The following DYNC2I1 variants were observed in gnomAD, a reference collection of about 807,000 sequenced individuals.
DYNC2I1 encodes cytoplasmic dynein 2 intermediate chain 1.
Under a neutral mutation model 133.4 loss-of-function variants are expected in DYNC2I1, and 89 were observed. The ratio of observed to expected loss-of-function variants is 0.67; its 90% CI spans 0.56 to 0.80. The LOEUF (loss-of-function observed/expected upper bound fraction) is 0.80. DYNC2I1 is among the 30% of genes least tolerant of loss of function. The probability of loss-of-function intolerance (pLI) is 0.00; values close to 1 mark genes in which losing one functional copy is unlikely to be tolerated. For missense variants in DYNC2I1, 1,291 were observed against 1,314.5 expected, an observed-to-expected ratio of 0.98 and a Z score of 0.28; for synonymous variants, 504 against 484.3, an observed-to-expected ratio of 1.04 and a Z score of -0.54.
At chr7:158,886,178 T>C (rs1844579624) in intron 6 of DYNC2I1, among the ~76,000 whole-genome samples, 1 of 152,166 alleles carries the variant, frequency 6.6e-6, no homozygotes, top group Admixed American at 6.5e-5. Context: ...GTCGCCAGGC[T>C]GAAGTGCAGT....
intron 8 of DYNC2I1, among the ~76,000 whole-genome samples, chr7:158,895,820 T>G (rs950651643): frequency 3.3e-5 from 5 of 152,246 alleles, no homozygotes; most frequent in Admixed American, 6.5e-5. Context: ...CTTTATAATT[T>G]TTCTCATAGA....
At chr7:158,919,849 G>A (rs1848839099) in intron 15 of DYNC2I1, among the ~76,000 whole-genome samples, 1 of 151,958 alleles carries the variant, frequency 6.6e-6, no homozygotes, top group African/African-American at 2.4e-5. Flanking sequence ...CCCACACCCA[G>A]CAGACACCAA....
chr7:158,915,952 GAC>G (rs1320002582), intron 14 of DYNC2I1, among the ~76,000 whole-genome samples: 2 of 109,876 alleles, frequency 1.8e-5, no homozygotes, highest in African/African-American at 3.5e-5. Flanking sequence ...GTGAAACGTT[GAC>G]ACAGTGGTTG....
chr7:158,953,203 T>C (rs1852107793), intron 4 of DYNC2I1, among the ~76,000 whole-genome samples: 1 of 123,666 alleles, frequency 8.1e-6, no homozygotes, highest in African/African-American at 3.1e-5. Flanking sequence ...TCTCCTAAAT[T>C]GAGTGACACT....
At chr7:158,846,623 G>C in the DYNC2I1 span, among the ~76,000 whole-genome samples, 1 of 152,234 alleles carries the variant, frequency 6.6e-6, no homozygotes, top group Admixed American at 6.5e-5. Context: ...TAAAGAATTG[G>C]TTAGAACAAG....
Position 158,879,813 on chromosome 7 carries a change from G to T in DYNC2I1, c.703G>T (p.Glu235Ter), listed in dbSNP as rs1356727779. The change falls in exon 5 of 25, where the codon GAA becomes TAA. Residue 235 changes from glutamate to a stop codon, truncating the protein, a stop_gained. Coordinates refer to ENST00000407559, the MANE Select transcript of DYNC2I1 (RefSeq NM_018051.5). LOFTEE classifies it high-confidence loss of function. ...NKHREKSSTR[E>*]KREKYSKEKS... ...ACACCGAGAAAAAAGCAGCACAAGG[G>T]AAAAAAGAGAGAAATATTCCAAAGA... is the stretch of plus-strand genomic sequence containing the variant. 5.0e-6 allele frequency: 8 copies of T among 1,612,438 alleles called. No homozygotes were observed. Among genetic ancestry groups the T allele is most frequent in the Non-Finnish European group, 6.8e-6 (8 of 1,179,416 alleles).
chr7:158,922,815 G>T lies in DYNC2I1; in HGVS notation c.2094+266G>T, dbSNP rs62476511. 8.1e-3 allele frequency among the ~76,000 whole-genome samples: 1,228 copies of T among 152,302 alleles called. 7 individuals carry two copies. The highest frequency in any genetic ancestry group is 0.012 in the Non-Finnish European group (820 of 68,022). ...CAGCTGAGAATTAGGAAATGGAGGTGGTTGTAGGCTGAATGAAAATACTCA... is the reference window on the plus strand; with the variant it reads ...CAGCTGAGAATTAGGAAATGGAGGTTGTTGTAGGCTGAATGAAAATACTCA... On this transcript the variant is annotated intron_variant, in intron 16 of 24. Transcript: ENST00000407559.
At chr7:158,860,665 GT>G (rs956447042) in intron 1 of DYNC2I1, among the ~76,000 whole-genome samples, 2 of 152,094 alleles carry the variant, frequency 1.3e-5, no homozygotes, top group African/African-American at 4.8e-5. Context: ...AAATTTCTAA[GT>G]TTTTTTGTTA....
intron 3 of DYNC2I1, among the ~76,000 whole-genome samples, chr7:158,872,635 A>G (rs77024757): frequency 0.022 from 3,278 of 152,142 alleles, 55 homozygotes; most frequent in Admixed American, 0.052. Context: ...TCTAAAAGAA[A>G]AAAAAAACCA....
At chr7:158,914,044 TA>T (rs1282666227) in intron 13 of DYNC2I1, among the ~76,000 whole-genome samples, 188 bp from the exon 14 acceptor site, 1 of 152,220 alleles carries the variant, frequency 6.6e-6, no homozygotes, top group Non-Finnish European at 1.5e-5. Flanking sequence ...CAGACTTCTA[TA>T]AAACAATATG....
intron 1 of DYNC2I1, among the ~76,000 whole-genome samples, chr7:158,858,600 T>G (rs1202828614): frequency 6.6e-6 from 1 of 152,150 alleles, no homozygotes; most frequent in Non-Finnish European, 1.5e-5. Flanking sequence ...TAGTGTCATA[T>G]TACCTGTTTA....
intron 4 of DYNC2I1, 91 bp from the exon 5 acceptor site, chr7:158,879,593 G>T (rs1843789249): frequency 2.9e-6 from 4 of 1,371,540 alleles, no homozygotes; most frequent in Non-Finnish European, 3.9e-6. Flanking sequence ...TGGTTGGTTG[G>T]ATCCGTCGTT....
At chr7:158,842,529 T>C in the DYNC2I1 span, among the ~76,000 whole-genome samples, 1 of 152,250 alleles carries the variant, frequency 6.6e-6, no homozygotes, top group Non-Finnish European at 1.5e-5. Flanking sequence ...CATACACTTA[T>C]GGCATGATAA....
intron 17 of DYNC2I1, among the ~76,000 whole-genome samples, chr7:158,924,792 T>C (rs1185468846): frequency 6.6e-6 from 1 of 152,178 alleles, no homozygotes; most frequent in Non-Finnish European, 1.5e-5. Context: ...TCTGGCTCTG[T>C]AGCCCAGGCT....
chr7:158,869,772 A>T, intron 1 of DYNC2I1, 83 bp from the exon 2 acceptor site: 1 of 1,040,658 alleles, frequency 9.6e-7, no homozygotes, highest in Non-Finnish European at 1.4e-6. Flanking sequence ...CCATTGATTT[A>T]AATGGCATAA....
At chr7:158,868,472 C>T (rs1449572205) in intron 1 of DYNC2I1, among the ~76,000 whole-genome samples, 2 of 152,250 alleles carry the variant, frequency 1.3e-5, no homozygotes, top group Admixed American at 6.5e-5. Context: ...CAAACACTTT[C>T]GCAGTAGAAA....
Position 158,891,253 on chromosome 7 carries a change from T to C in DYNC2I1, c.991-12T>C. 6.2e-7 allele frequency: 1 copy of C among 1,614,022 alleles called. No homozygotes were observed. The highest frequency in any genetic ancestry group is 8.5e-7 in the Non-Finnish European group (1 of 1,179,888). ...TGTGTCCTGGCTGATGGGGCTGTTC[T>C]CTCTCCATTAGCATGGCCACGAGGA... is the stretch of plus-strand genomic sequence containing the variant. On this transcript the variant is annotated splice_polypyrimidine_tract_variant and intron_variant, in intron 7 of 24. Transcript: ENST00000407559.
intron 17 of DYNC2I1, 59 bp from the exon 18 acceptor site, chr7:158,926,128 G>T: frequency 7.5e-7 from 1 of 1,334,156 alleles, no homozygotes; most frequent in Non-Finnish European, 1.1e-6. Context: ...TGTGTGATGC[G>T]AACTGCATTT....
At chr7:158,871,584 T>C (rs563624358) in intron 3 of DYNC2I1, 22 bp downstream of exon 3, 7 of 1,509,328 alleles carry the variant, frequency 4.6e-6, no homozygotes, top group African/African-American at 1.4e-5. Flanking sequence ...CTTGCCTTCC[T>C]GTGGTTCCAC....
Sources: gnomAD v4.1 joint callset for allele counts (sites outside exome capture counted in the v4.1 genomes callset) on GRCh38, gnomAD v4.1.1 for gene constraint, MANE v1.5 for transcripts, NCBI Gene and HGNC (gene_info 2026-07-23, HGNC 2026-07-21) for gene names.